PARD3B: variants seen among roughly 807,000 people sequenced by gnomAD.
PARD3B encodes the protein partitioning defective 3 homolog B.
Under a neutral mutation model 130.2 loss-of-function variants are expected in PARD3B, and 103 were observed. The ratio of observed to expected loss-of-function variants is 0.79; its 90% confidence interval spans 0.67 to 0.93. The LOEUF is 0.93. Ranked by LOEUF, PARD3B falls within the 40% of genes least tolerant of loss-of-function variation. The pLI is 0.00. For missense variants in PARD3B, 1,609 were observed against 1,499.2 expected (o/e 1.07, Z -1.21); for synonymous variants, 583 against 553.2 (o/e 1.05, Z -0.76).
intron 20 of PARD3B, among the ~76,000 whole-genome samples, chr2:205,493,669 G>T (rs1006024569): frequency 6.6e-6 from 1 of 151,862 alleles, no homozygotes; most frequent in Non-Finnish European, 1.5e-5. Flanking sequence ...CTCCAGATAG[G>T]AATATTCCTG....
intron 3 of PARD3B, among the ~76,000 whole-genome samples, chr2:205,035,009 C>T (rs895739234): frequency 2.0e-5 from 3 of 151,904 alleles, no homozygotes; most frequent in South Asian, 2.1e-4. Context: ...GGCATGCGTG[C>T]GCCACCACGC....
intron 22 of PARD3B, among the ~76,000 whole-genome samples, chr2:205,607,328 G>T (rs146993254): frequency 6.6e-6 from 1 of 152,078 alleles, no homozygotes; most frequent in Non-Finnish European, 1.5e-5. Flanking sequence ...CTTTCACCCG[G>T]TGCCAGCAGG....
chr2:205,436,379 C>G (rs1026483631), intron 19 of PARD3B, among the ~76,000 whole-genome samples: 1 of 152,094 alleles, frequency 6.6e-6, no homozygotes, highest in African/African-American at 2.4e-5. Context: ...ACCATATTCC[C>G]TCTATGTTTT....
intron 11 of PARD3B, among the ~76,000 whole-genome samples, chr2:205,164,173 T>G (rs933175079): frequency 1.3e-5 from 2 of 152,206 alleles, no homozygotes; most frequent in African/African-American, 4.8e-5. Flanking sequence ...AATTTAAGCC[T>G]AGGAAAAATA....
chr2:205,359,147 C>T (rs971960694), intron 18 of PARD3B, among the ~76,000 whole-genome samples: 1 of 152,176 alleles, frequency 6.6e-6, no homozygotes, highest in Non-Finnish European at 1.5e-5. Flanking sequence ...GCAATTCTCT[C>T]AAGGTTTCCA....
At position 205,550,187 on chromosome 2, in the gene PARD3B, C is replaced by G. The variant is rs1389593489; in HGVS notation, c.3181-3137C>G. Among the ~76,000 whole-genome samples, 5 of 152,154 alleles carry G rather than the reference C, an allele frequency of 3.3e-5. No homozygotes were observed. Among genetic ancestry groups the G allele is most frequent in the Admixed American group, 2.0e-4 (3 of 15,274 alleles). ...TACACCCTTCTGCCCCAGAAAAACT[C>G]CTCCTCATCCATATTCAGGTTTGAG... On this transcript the variant is annotated intron_variant, in intron 21 of 22. Coordinates refer to ENST00000406610, the MANE Select transcript of PARD3B (RefSeq NM_001302769.2). The surrounding 1 kb of genome is among the most constrained non-coding windows in gnomAD (Gnocchi z 4.5).
In PARD3B at chr2:205,158,715, C is replaced by G. The variant is rs370190402; in HGVS notation, c.1435-7C>G. 73 of 1,606,772 alleles carry G rather than the reference C, an allele frequency of 4.5e-5. No individual in the cohort carries two copies. The African/African-American group carries it at 8.7e-4, about 19-fold the overall frequency. On this transcript the variant is annotated splice_polypyrimidine_tract_variant and splice_region_variant and intron_variant, in intron 10 of 22. Coordinates refer to ENST00000406610, the MANE Select transcript of PARD3B (RefSeq NM_001302769.2). This position sits in a 1 kb window ranked among gnomAD's most constrained non-coding sequence, Gnocchi z 5.4. ...CTTCACTCTTTTCATGTGTATTCCC[C>G]TAACAGAAAGGAGAACCTGACTGCT... is the stretch of plus-strand genomic sequence containing the variant.
intron 21 of PARD3B, among the ~76,000 whole-genome samples, chr2:205,537,979 G>T (rs142762812): frequency 9.4e-4 from 143 of 152,216 alleles, no homozygotes; most frequent in Middle Eastern, 3.4e-3. Flanking sequence ...TGAGGATTAC[G>T]TGTTTCTCTG....
intron 20 of PARD3B, among the ~76,000 whole-genome samples, chr2:205,489,500 T>TATATATACGTATATATATAC (rs1559141226): frequency 7.2e-6 from 1 of 139,404 alleles, no homozygotes. Flanking sequence ...TATGTGTGTA[T>TATATATACGTATATATATAC]ATATATATAC....
At chr2:205,364,738 A>G (rs1383544282) in intron 18 of PARD3B, among the ~76,000 whole-genome samples, 1 of 152,230 alleles carries the variant, frequency 6.6e-6, no homozygotes, top group African/African-American at 2.4e-5. Flanking sequence ...TAACAAAGAC[A>G]CTTAACAGCT....
intron 1 of PARD3B, among the ~76,000 whole-genome samples, chr2:204,647,079 C>T (rs556651294): frequency 1.8e-4 from 27 of 151,858 alleles, no homozygotes; most frequent in Non-Finnish European, 3.7e-4. Flanking sequence ...ATCGTAAAGT[C>T]GAAGAGTTTT....
chr2:205,232,255 G>A (rs79244864), intron 15 of PARD3B, among the ~76,000 whole-genome samples: 16,161 of 152,134 alleles, frequency 0.11, 899 homozygotes, highest in African/African-American at 0.14. Flanking sequence ...TTTGAGACCA[G>A]CCTGGGCGAT....
At chr2:204,611,242 G>A (rs1035268207) in intron 1 of PARD3B, among the ~76,000 whole-genome samples, 2 of 152,186 alleles carry the variant, frequency 1.3e-5, no homozygotes, top group Non-Finnish European at 2.9e-5. Context: ...GTGTCATTCC[G>A]AATGTGCTAC....
intron 2 of PARD3B, among the ~76,000 whole-genome samples, chr2:204,836,116 A>T (rs1285743916): frequency 1.3e-5 from 2 of 152,200 alleles, no homozygotes; most frequent in Non-Finnish European, 2.9e-5. Flanking sequence ...CTTCGTGGGC[A>T]ACTTTGTCTG....
At chr2:204,859,152 C>G (rs971933778) in intron 2 of PARD3B, among the ~76,000 whole-genome samples, 1 of 151,888 alleles carries the variant, frequency 6.6e-6, no homozygotes, top group Admixed American at 6.6e-5. Context: ...CCAATTTTTT[C>G]TTTTCTTTTT....
chr2:205,197,051 G>GTA (rs2036733526), intron 15 of PARD3B, among the ~76,000 whole-genome samples: 1 of 93,458 alleles, frequency 1.1e-5, no homozygotes, highest in Non-Finnish European at 2.4e-5. Context: ...GTGTGTGTGT[G>GTA]TGTGTGTGTG....
At chr2:205,346,036 T>G (rs534754671) in intron 18 of PARD3B, among the ~76,000 whole-genome samples, 1 of 130,214 alleles carries the variant, frequency 7.7e-6, no homozygotes, top group African/African-American at 2.5e-5. Context: ...CCGGGCGTGG[T>G]GGCGCACGCC....
chr2:205,474,561 A>G (rs537474436), intron 20 of PARD3B, among the ~76,000 whole-genome samples: 7 of 152,184 alleles, frequency 4.6e-5, no homozygotes, highest in African/African-American at 1.7e-4. Context: ...CTTTCCCTTA[A>G]TGATGGACAT....
At chr2:205,223,226 A>G (rs550596480) in intron 15 of PARD3B, among the ~76,000 whole-genome samples, 50 of 152,330 alleles carry the variant, frequency 3.3e-4, no homozygotes, top group African/African-American at 1.2e-3. Flanking sequence ...AAAGGTAAAA[A>G]GGGTACAAAT....
Sources: gnomAD v4.1 joint callset for allele counts (sites outside exome capture counted in the v4.1 genomes callset) on GRCh38, gnomAD v4.1.1 for gene constraint, Gnocchi (gnomAD v3.1) non-coding constraint, MANE v1.5 for transcripts, NCBI Gene and HGNC (gene_info 2026-07-23, HGNC 2026-07-21) for gene names.